KCNQ1: variants seen among roughly 807,000 people sequenced by gnomAD.
KCNQ1 encodes the protein potassium voltage-gated channel subfamily KQT member 1.
KCNQ1 carries 49 observed loss-of-function variants against 72.4 expected under a neutral mutation model. That is an observed-to-expected ratio of 0.68 (90% CI 0.54 to 0.86). The LOEUF is 0.86. Ranked by LOEUF, KCNQ1 falls within the 40% of genes least tolerant of loss-of-function variation. KCNQ1 has a pLI of 0.00. For synonymous variants in KCNQ1, 450 were observed against 412.6 expected, an observed-to-expected ratio of 1.09 and a Z score of -1.10; for missense variants, 790 against 945.1, an observed-to-expected ratio of 0.84 and a Z score of 2.15.
chr11:2,741,778 T>G (rs915573690), intron 11 of KCNQ1, among the ~76,000 whole-genome samples: 4 of 152,224 alleles, frequency 2.6e-5, no homozygotes, highest in Admixed American at 6.5e-5. Flanking sequence ...CGCAGACAGC[T>G]GGGGCTGGGA....
rs564583202 is a variant in KCNQ1 at position 2,497,424 on chromosome 11, A to G, written c.387-30504A>G. On this transcript the variant is annotated intron_variant, in intron 1 of 15. Transcript: ENST00000155840. This position sits in a 1 kb window ranked among gnomAD's most constrained non-coding sequence, Gnocchi z 4.5. ...CCTTATTTCGTTAAGTTGATCTTCA[A>G]TCTCTGATATCCTTTCTTCCACTTG... 3.3e-5 allele frequency among the ~76,000 whole-genome samples: 5 copies of G among 152,136 alleles called. No homozygotes were observed. The highest frequency in any genetic ancestry group is 2.6e-4 in the Admixed American group (4 of 15,260).
intron 1 of KCNQ1, among the ~76,000 whole-genome samples, chr11:2,472,520 C>T (rs942857658): frequency 4.6e-5 from 7 of 152,094 alleles, no homozygotes; most frequent in African/African-American, 9.7e-5. Context: ...AGCACCTTTA[C>T]CCAGAGAAGG....
In KCNQ1 at chr11:2,464,252, C is replaced by T. The variant is rs749966108; in HGVS notation, c.386+18768C>T. Among the ~76,000 whole-genome samples the T allele has an allele frequency of 6.6e-6, 1 of 152,144 alleles. No homozygotes were observed. Among genetic ancestry groups the T allele is most frequent in the Non-Finnish European group, 1.5e-5 (1 of 68,032 alleles). Reference sequence around the variant, plus strand: ...GCCCGGACAGCAGATAACAAGCCTTCGTCGTGGTCACCCCTGGGTGTGGGC... The same window carrying T: ...GCCCGGACAGCAGATAACAAGCCTTTGTCGTGGTCACCCCTGGGTGTGGGC... On this transcript the variant is annotated intron_variant, in intron 1 of 15. Transcript: ENST00000155840. This position sits in a 1 kb window ranked among gnomAD's most constrained non-coding sequence, Gnocchi z 5.0.
At chr11:2,794,092 C>T (rs548763956) in intron 15 of KCNQ1, among the ~76,000 whole-genome samples, 18 of 152,228 alleles carry the variant, frequency 1.2e-4, no homozygotes, top group Middle Eastern at 3.4e-3. Flanking sequence ...CCCGGCCGGG[C>T]CAAGGATCCA....
chr11:2,562,977 C>T lies in KCNQ1; in HGVS notation c.478-7651C>T, dbSNP rs777833676. Among the ~76,000 whole-genome samples the T allele has an allele frequency of 2.0e-4, 31 of 152,126 alleles. No homozygotes were observed. Among genetic ancestry groups the T allele is most frequent in the Admixed American group, 5.9e-4 (9 of 15,282 alleles). ...AATATCAGAGACACTAAAGTCCTCG[C>T]GATAAGGGTCTGCGAGGCTTCCTTT... is the stretch of plus-strand genomic sequence containing the variant. On this transcript the variant is annotated intron_variant, in intron 2 of 15. Coordinates refer to ENST00000155840, the MANE Select transcript of KCNQ1 (RefSeq NM_000218.3). The surrounding 1 kb of genome is among the most constrained non-coding windows in gnomAD (Gnocchi z 7.5).
At chr11:2,575,071 G>A (rs377604492) in intron 6 of KCNQ1, among the ~76,000 whole-genome samples, 6 of 152,164 alleles carry the variant, frequency 3.9e-5, no homozygotes, top group Admixed American at 1.3e-4. Context: ...TACTGGCCCC[G>A]GCACGGCTGA....
Position 2,734,322 on chromosome 11 carries a change from T to C in KCNQ1, c.1515-34522T>C, listed in dbSNP as rs11023936. ...AAAAGGCGCCTAGAAGGCTGGACTT[T>C]CCGTGAGGTGGCGGGGAGCACCAAG... is the stretch of plus-strand genomic sequence containing the variant. On this transcript the variant is annotated intron_variant, in intron 11 of 15. Transcript: ENST00000155840. This position sits in a 1 kb window ranked among gnomAD's most constrained non-coding sequence, Gnocchi z 7.0. Among the ~76,000 whole-genome samples, 44,418 of 151,976 alleles carry C rather than the reference T, an allele frequency of 0.29. 6,694 individuals carry two copies. Among genetic ancestry groups the C allele is most frequent in the Middle Eastern group, 0.36 (105 of 294 alleles).
chr11:2,613,225 C>T lies in KCNQ1; in HGVS notation c.1393+24371C>T, dbSNP rs1849009667. The T allele has an allele frequency of 2.5e-6, 1 of 398,534 alleles. No homozygotes were observed. Among genetic ancestry groups the T allele is most frequent in the South Asian group, 1.3e-4 (1 of 7,838 alleles). 24.7% of individuals were successfully genotyped at this position (398,534 alleles called of 1,614,324 possible). A position where few individuals can be genotyped will look rare whatever the true frequency, so the allele number is the denominator to read the frequency against. On this transcript the variant is annotated intron_variant, in intron 10 of 15. Transcript: ENST00000155840. This position sits in a 1 kb window ranked among gnomAD's most constrained non-coding sequence, Gnocchi z 4.8. ...ATTTTACTGTCTGCTTGCAAAAGGT[C>T]TCACAGTCAGCCAAGGATAAGTAGA...
chr11:2,839,363 C>T (rs2134082165), intron 15 of KCNQ1, among the ~76,000 whole-genome samples: 1 of 152,388 alleles, frequency 6.6e-6, no homozygotes, highest in Admixed American at 6.5e-5. Flanking sequence ...CTGAAGTTGA[C>T]ATGAATGTCC....
At position 2,608,439 on chromosome 11, in the gene KCNQ1, C is replaced by G. The variant is rs891167194; in HGVS notation, c.1393+19585C>G. 2.5e-6 allele frequency: 1 copy of G among 398,358 alleles called. No individual in the cohort carries two copies. Among genetic ancestry groups the G allele is most frequent in the African/African-American group, 2.1e-5 (1 of 48,570 alleles). The allele number at this position is 398,358 out of a possible 1,614,324, so 24.7% of individuals were successfully genotyped here. Reference sequence around the variant, plus strand: ...TGTTCCTTCATAATCCTTTTTATTTCTGTCAGGTTGGTAGTATACTTCCCT... The same window carrying G: ...TGTTCCTTCATAATCCTTTTTATTTGTGTCAGGTTGGTAGTATACTTCCCT... On this transcript the variant is annotated intron_variant, in intron 10 of 15. Coordinates refer to ENST00000155840, the MANE Select transcript of KCNQ1 (RefSeq NM_000218.3). This position sits in a 1 kb window ranked among gnomAD's most constrained non-coding sequence, Gnocchi z 4.6.
chr11:2,495,351 A>G lies in KCNQ1; in HGVS notation c.387-32577A>G, dbSNP rs562172613. Among the ~76,000 whole-genome samples the G allele has an allele frequency of 6.6e-6, 1 of 151,694 alleles. No homozygotes were observed. The highest frequency in any genetic ancestry group is 1.9e-4 in the East Asian group (1 of 5,144). ...CTCTATCTCCTTCAGTTCTGCTCTGATCTTAGTTATTTCTTGTCTTCTGCT... is the reference window on the plus strand; with the variant it reads ...CTCTATCTCCTTCAGTTCTGCTCTGGTCTTAGTTATTTCTTGTCTTCTGCT... On this transcript the variant is annotated intron_variant, in intron 1 of 15. Transcript: ENST00000155840. The surrounding 1 kb of genome is among the most constrained non-coding windows in gnomAD (Gnocchi z 4.6).
intron 2 of KCNQ1, among the ~76,000 whole-genome samples, chr11:2,542,037 G>A (rs1268785541): frequency 6.6e-6 from 1 of 152,236 alleles, no homozygotes. Context: ...TGGCCCTGGA[G>A]CCTGGGATTG....
chr11:2,709,257 G>A (rs1446464439), intron 11 of KCNQ1, among the ~76,000 whole-genome samples: 5 of 115,112 alleles, frequency 4.3e-5, no homozygotes, highest in Non-Finnish European at 6.6e-5. Context: ...CAGCTGCAGA[G>A]GACTTCTGGC....
rs74945260 is a variant in KCNQ1 at position 2,742,346 on chromosome 11, G to A, written c.1515-26498G>A. On this transcript the variant is annotated intron_variant, in intron 11 of 15. Coordinates refer to ENST00000155840, the MANE Select transcript of KCNQ1 (RefSeq NM_000218.3). ...TCAGCTACAATGAGAGGCATCAGGC[G>A]GCCTCAGGCCCTCAAGCCGGTCCCC... Among the ~76,000 whole-genome samples, 228 of 152,304 alleles carry A rather than the reference G, an allele frequency of 1.5e-3. 6 individuals are homozygous for A. In the East Asian group the frequency reaches 0.041, roughly 27 times the overall value.
At chr11:2,548,033 C>T (rs993892287) in intron 2 of KCNQ1, among the ~76,000 whole-genome samples, 6 of 151,984 alleles carry the variant, frequency 3.9e-5, no homozygotes, top group East Asian at 1.9e-4. Flanking sequence ...GGGCTTGGGG[C>T]GACTCTGGGG....
In KCNQ1 at chr11:2,671,095, AGTTAGTCTGAGC is replaced by A. The variant is rs1392815338; in HGVS notation, c.1514+9015_1514+9026del. 7.9e-6 allele frequency: 1 copy of A among 126,216 alleles called. No homozygotes were observed. The highest frequency in any genetic ancestry group is 1.1e-5 in the Non-Finnish European group (1 of 87,382). 7.8% of individuals were successfully genotyped at this position (126,216 alleles called of 1,614,324 possible). A position where few individuals can be genotyped will look rare whatever the true frequency, so the allele number is the denominator to read the frequency against. Reference sequence around the variant, plus strand: ...ACTGGCTAGCAGGAGGAAGTCTGGCAGTTAGTCTGAGCAGTTAGTCTGTCAGGCCTGGTTGGT... The same window carrying A: ...ACTGGCTAGCAGGAGGAAGTCTGGCAAGTTAGTCTGTCAGGCCTGGTTGGT... On this transcript the variant is annotated intron_variant, in intron 11 of 15. Transcript: ENST00000155840. This position sits in a 1 kb window ranked among gnomAD's most constrained non-coding sequence, Gnocchi z 4.7.
chr11:2,797,564 TC>T (rs1221119373), intron 15 of KCNQ1, among the ~76,000 whole-genome samples: 2 of 151,774 alleles, frequency 1.3e-5, no homozygotes, highest in Admixed American at 6.6e-5. Flanking sequence ...CCACCCTTGC[TC>T]CGGAGCTCGA....
rs1850518689 is a variant in KCNQ1, at chr11:2,687,924, G to A, written c.1514+25843G>A. 2 of 398,802 alleles carry A rather than the reference G, an allele frequency of 5.0e-6. No homozygotes were observed. The highest frequency in any genetic ancestry group is 6.3e-4 in the Middle Eastern group (1 of 1,588). 24.7% of individuals were successfully genotyped at this position (398,802 alleles called of 1,614,324 possible). A position where few individuals can be genotyped will look rare whatever the true frequency, so the allele number is the denominator to read the frequency against. On this transcript the variant is annotated intron_variant, in intron 11 of 15. Transcript: ENST00000155840. The surrounding 1 kb of genome is among the most constrained non-coding windows in gnomAD (Gnocchi z 5.0). ...GATGGAAAATCCCCAGCAGTTGTGA[G>A]GCTGCACTTCTCCCACCCGCTGTGG...
chr11:2,469,067 T>C (rs1259868784), intron 1 of KCNQ1, among the ~76,000 whole-genome samples: 7 of 152,170 alleles, frequency 4.6e-5, no homozygotes, highest in African/African-American at 1.4e-4. Context: ...TGTCTCCTTG[T>C]CAACACTTGG....
Sources: allele counts gnomAD v4.1 joint callset (sites outside exome capture counted in the v4.1 genomes callset), GRCh38; gene constraint gnomAD v4.1.1; non-coding constraint Gnocchi (gnomAD v3.1); transcripts MANE v1.5; gene names NCBI Gene and HGNC (gene_info 2026-07-23, HGNC 2026-07-21).